ATXN1: variants seen among roughly 807,000 people sequenced by gnomAD.
ATXN1 encodes ataxin 1, also known as ataxin-1.
Under a neutral mutation model 56.4 loss-of-function variants are expected in ATXN1, and 8 were observed. That is an observed-to-expected ratio of 0.14 (90% CI 0.08 to 0.26). The LOEUF (loss-of-function observed/expected upper bound fraction) is 0.26, where lower values mean the gene tolerates loss of function less well. Among genes scored for constraint, ATXN1 ranks in the 10% least tolerant of loss-of-function variants. The pLI, the probability that ATXN1 is intolerant of heterozygous loss-of-function variation, is 1.00. For synonymous variants in ATXN1, 514 were observed against 494.6 expected (o/e 1.04, Z -0.52); for missense variants, 987 against 1,106.5 (o/e 0.89, Z 1.53).
intron 6 of ATXN1, among the ~76,000 whole-genome samples, chr6:16,408,655 T>C (rs1476816315): frequency 2.0e-5 from 3 of 152,244 alleles, no homozygotes; most frequent in East Asian, 3.8e-4. Flanking sequence ...AAATAACTTA[T>C]GCAAATTGAA....
At chr6:16,553,261 C>T (rs1761955103) in intron 4 of ATXN1, among the ~76,000 whole-genome samples, 1 of 152,166 alleles carries the variant, frequency 6.6e-6, no homozygotes, top group South Asian at 2.1e-4. Flanking sequence ...ATGTGTAATA[C>T]TCCATTTTTC....
At chr6:16,708,042 A>C (rs1371942979) in intron 2 of ATXN1, among the ~76,000 whole-genome samples, 2 of 152,214 alleles carry the variant, frequency 1.3e-5, no homozygotes, top group Non-Finnish European at 1.5e-5. Context: ...AGCTATGCAC[A>C]ATATGTGGTG....
Position 16,689,244 on chromosome 6 carries a change from T to C in ATXN1, c.-614-31343A>G, listed in dbSNP as rs556399318. Among the ~76,000 whole-genome samples, 6 of 152,296 alleles carry C rather than the reference T, an allele frequency of 3.9e-5. No individual in the cohort carries two copies. In the South Asian group the frequency reaches 1.2e-3, roughly 32 times the overall value. ...AAAGCAAGTCTGGGGTCTGGGACTGTTGTATCAAAATGGGAAGGAGTGGGA... is the reference window on the plus strand; with the variant it reads ...AAAGCAAGTCTGGGGTCTGGGACTGCTGTATCAAAATGGGAAGGAGTGGGA... On this transcript the variant is annotated intron_variant, in intron 2 of 7. Transcript: ENST00000436367.
chr6:16,589,327 C>A (rs1339146631), intron 3 of ATXN1, among the ~76,000 whole-genome samples: 1 of 151,992 alleles, frequency 6.6e-6, no homozygotes, highest in Non-Finnish European at 1.5e-5. Context: ...TCATAGTACC[C>A]CAGAGTTTCG....
chr6:16,451,581 C>A lies in ATXN1; in HGVS notation c.-161+34391G>T, dbSNP rs554343700. On this transcript the variant is annotated intron_variant, in intron 6 of 7. Coordinates refer to ENST00000436367, the MANE Select transcript of ATXN1 (RefSeq NM_001128164.2). The stretch of plus-strand genomic sequence containing the variant: ...GACCAGCCCGACCAACATGGAGGAA[C>A]CTCATCTCTGCTAAAAATGTAAAAT... Among the ~76,000 whole-genome samples the A allele has an allele frequency of 3.3e-5, 5 of 152,146 alleles. No homozygotes were observed. In the East Asian group the frequency reaches 9.7e-4, roughly 29 times the overall value.
At chr6:16,431,181 A>C (rs1220410670) in intron 6 of ATXN1, among the ~76,000 whole-genome samples, 1 of 152,148 alleles carries the variant, frequency 6.6e-6, no homozygotes, top group Non-Finnish European at 1.5e-5. Context: ...TGGTGAGATT[A>C]AATCCAAGCA....
chr6:16,395,270 C>CAAAAAAAAAAAAAAAAAA lies in ATXN1; in HGVS notation c.-160-66818_-160-66801dup, dbSNP rs748314030. On this transcript the variant is annotated intron_variant, in intron 6 of 7. Transcript: ENST00000436367. ...GGCCAACAAGAGCGAAACTCCGTCT[C>CAAAAAAAAAAAAAAAAAA]AAAAAAAAAAAAAAAAAAAAACAAG... Among the ~76,000 whole-genome samples, 84 of 48,398 alleles carry CAAAAAAAAAAAAAAAAAA rather than the reference C, an allele frequency of 1.7e-3. 2 individuals carry two copies. Among genetic ancestry groups the CAAAAAAAAAAAAAAAAAA allele is most frequent in the Middle Eastern group, 0.011 (1 of 94 alleles). The allele number at this position is 48,398 out of a possible 152,430, so 31.8% of individuals were successfully genotyped here. A position where few individuals can be genotyped will look rare whatever the true frequency, so the allele number is the denominator to read the frequency against.
At chr6:16,667,520 C>T (rs2113376309) in intron 2 of ATXN1, 1 of 152,282 alleles carries the variant, frequency 6.6e-6, no homozygotes, top group East Asian at 1.9e-4. Flanking sequence ...ACTTTTGATT[C>T]TTAGAAGGAC....
intron 1 of ATXN1, among the ~76,000 whole-genome samples, chr6:16,755,084 A>G (rs1461926061): frequency 6.6e-6 from 1 of 152,206 alleles, no homozygotes; most frequent in Non-Finnish European, 1.5e-5. Flanking sequence ...AATCCTGTTT[A>G]CATATCACCT....
chr6:16,481,687 T>C (rs1214450530), intron 6 of ATXN1, among the ~76,000 whole-genome samples: 2 of 152,194 alleles, frequency 1.3e-5, no homozygotes, highest in Non-Finnish European at 2.9e-5. Context: ...CACAGAGACA[T>C]TAAATGGGTT....
chr6:16,405,559 A>C (rs1758668983), intron 6 of ATXN1, among the ~76,000 whole-genome samples: 1 of 152,192 alleles, frequency 6.6e-6, no homozygotes, highest in African/African-American at 2.4e-5. Flanking sequence ...GCAATAAAAC[A>C]ATCTGTTTGA....
chr6:16,408,977 T>C (rs535877243), intron 6 of ATXN1, among the ~76,000 whole-genome samples: 3 of 152,316 alleles, frequency 2.0e-5, no homozygotes, highest in South Asian at 4.1e-4. Context: ...TTCATAAAAA[T>C]TGGTGACTGA....
intron 5 of ATXN1, among the ~76,000 whole-genome samples, chr6:16,516,413 A>G (rs1761184967): frequency 6.6e-6 from 1 of 152,224 alleles, no homozygotes; most frequent in African/African-American, 2.4e-5. Flanking sequence ...AGCAGGTGAC[A>G]AGTGTCCCTT....
intron 4 of ATXN1, among the ~76,000 whole-genome samples, chr6:16,536,613 C>A (rs1454605580): frequency 6.6e-6 from 1 of 152,182 alleles, no homozygotes; most frequent in Non-Finnish European, 1.5e-5. Context: ...TCTCATTTAA[C>A]AAAAATTAGG....
intron 5 of ATXN1, among the ~76,000 whole-genome samples, chr6:16,503,028 T>A (rs1760912159): frequency 6.6e-6 from 1 of 152,224 alleles, no homozygotes; most frequent in Admixed American, 6.5e-5. Context: ...ACTATAATAA[T>A]TTTTTATGAT....
intron 3 of ATXN1, among the ~76,000 whole-genome samples, chr6:16,603,496 T>C (rs1037559493): frequency 6.6e-6 from 1 of 152,118 alleles, no homozygotes; most frequent in African/African-American, 2.4e-5. Flanking sequence ...CAGAACCTCA[T>C]TGAAAACACA....
At chr6:16,420,829 C>G (rs986264622) in intron 6 of ATXN1, among the ~76,000 whole-genome samples, 1 of 152,096 alleles carries the variant, frequency 6.6e-6, no homozygotes, top group Non-Finnish European at 1.5e-5. Flanking sequence ...TACAGATTCT[C>G]TCTCTCTCTC....
At chr6:16,677,753 C>T (rs1758718039) in intron 2 of ATXN1, among the ~76,000 whole-genome samples, 1 of 152,184 alleles carries the variant, frequency 6.6e-6, no homozygotes, top group Non-Finnish European at 1.5e-5. Context: ...CACGGGATGA[C>T]TAATTGTGAA....
intron 6 of ATXN1, among the ~76,000 whole-genome samples, chr6:16,462,667 A>G (rs977091126): frequency 6.6e-6 from 1 of 152,154 alleles, no homozygotes; most frequent in Admixed American, 6.6e-5. Flanking sequence ...CACCTATTAC[A>G]TGAGCAATGA....
Sources: gnomAD v4.1 joint callset for allele counts (sites outside exome capture counted in the v4.1 genomes callset) on GRCh38, gnomAD v4.1.1 for gene constraint, MANE v1.5 for transcripts, NCBI Gene and HGNC (gene_info 2026-07-23, HGNC 2026-07-21) for gene names.